TJP1: variants seen among roughly 807,000 people sequenced by gnomAD.
TJP1 encodes the protein tight junction protein ZO-1.
In TJP1, 43 loss-of-function variants were observed where a neutral mutation model predicts 194.2. The observed-to-expected ratio is 0.22, with a 90% CI of 0.17 to 0.29. The LOEUF (loss-of-function observed/expected upper bound fraction) is 0.29, where lower values mean the gene tolerates loss of function less well. Among genes scored for constraint, TJP1 ranks in the 10% least tolerant of loss-of-function variants. TJP1 has a pLI of 1.00. For synonymous variants in TJP1, 801 were observed against 779.0 expected, an observed-to-expected ratio of 1.03 and a Z score of -0.47; for missense variants, 1,971 against 2,185.7, an observed-to-expected ratio of 0.90 and a Z score of 1.96.
intron 26 of TJP1, among the ~76,000 whole-genome samples, chr15:29,705,279 C>T (rs1441894490): frequency 1.3e-5 from 2 of 152,200 alleles, no homozygotes; most frequent in Non-Finnish European, 2.9e-5. Flanking sequence ...GGTGAGACAT[C>T]CCGTGGCCTG....
chr15:29,877,251 T>G (rs992013444), intron 2 of TJP1, among the ~76,000 whole-genome samples: 4 of 152,298 alleles, frequency 2.6e-5, no homozygotes, highest in Non-Finnish European at 5.9e-5. Context: ...AGACATGCTC[T>G]GCCTTCCAGG....
intron 2 of TJP1, among the ~76,000 whole-genome samples, chr15:29,828,822 T>C (rs540454958): frequency 6.6e-6 from 1 of 151,154 alleles, no homozygotes; most frequent in Admixed American, 6.6e-5. Context: ...CAACCTCCAC[T>C]TCACGGGTTC....
intron 2 of TJP1, among the ~76,000 whole-genome samples, chr15:29,850,493 T>C (rs1166562670): frequency 6.6e-6 from 1 of 151,870 alleles, no homozygotes; most frequent in Non-Finnish European, 1.5e-5. Context: ...CACGCCACCA[T>C]GCCCAGCTAA....
intron 2 of TJP1, among the ~76,000 whole-genome samples, chr15:29,944,055 C>T (rs1412622204): frequency 1.3e-5 from 2 of 151,778 alleles, no homozygotes; most frequent in Non-Finnish European, 2.9e-5. Context: ...CGTTAGAAAA[C>T]AGGTACTTGA....
At chr15:29,878,966 T>C (rs1027639190) in intron 2 of TJP1, among the ~76,000 whole-genome samples, 1 of 151,576 alleles carries the variant, frequency 6.6e-6, no homozygotes, top group African/African-American at 2.4e-5. Context: ...CTACTAAAAA[T>C]ACAAAGATTA....
chr15:29,820,130 G>GT lies in TJP1; in HGVS notation c.27+1871dup, dbSNP rs141015231. On this transcript the variant is annotated intron_variant, in intron 1 of 27. Transcript: ENST00000614355. The stretch of plus-strand genomic sequence containing the variant: ...TTTCCCAAACTATCATGCTAAAACA[G>GT]TAACAGCGAGCTTCCAAATTAATGT... Among the ~76,000 whole-genome samples, 1,177 of 148,950 alleles carry GT rather than the reference G, an allele frequency of 7.9e-3. 22 individuals carry two copies. Among genetic ancestry groups the GT allele is most frequent in the African/African-American group, 0.028 (1,141 of 40,718 alleles).
intron 8 of TJP1, among the ~76,000 whole-genome samples, chr15:29,748,355 T>C (rs1204044060): frequency 1.3e-5 from 2 of 152,156 alleles, no homozygotes; most frequent in African/African-American, 4.8e-5. Flanking sequence ...CTGGCTATGG[T>C]GTTGGACTAT....
rs150870385 is a variant in TJP1, at chr15:29,946,362, A to G, written c.306+9870T>C. Among the ~76,000 whole-genome samples, 40 of 152,352 alleles carry G rather than the reference A, an allele frequency of 2.6e-4. No individual in the cohort carries two copies. In the East Asian group the frequency reaches 7.7e-3, roughly 29 times the overall value. On this transcript the variant is annotated intron_variant, in intron 2 of 28. Transcript: ENST00000356107. ...GGCTAGTGGATGAAAGTCTGATGAG[A>G]GACACTGGTGTAATCTTGAAACATC...
chr15:29,928,221 T>C (rs1357386), intron 2 of TJP1, among the ~76,000 whole-genome samples: 38,836 of 151,888 alleles, frequency 0.26, 5,190 homozygotes, highest in East Asian at 0.35. Context: ...AGATAAAAGA[T>C]GAGATTGTTT....
intron 2 of TJP1, among the ~76,000 whole-genome samples, chr15:29,918,715 G>A (rs1267442598): frequency 1.3e-5 from 2 of 151,616 alleles, no homozygotes; most frequent in African/African-American, 4.9e-5. Context: ...CTCCTGCCTG[G>A]GTGACAGAGT....
intron 4 of TJP1, among the ~76,000 whole-genome samples, chr15:29,771,531 C>T (rs1398396901): frequency 6.6e-6 from 1 of 152,116 alleles, no homozygotes; most frequent in Non-Finnish European, 1.5e-5. Context: ...TTTGGCCGGG[C>T]GTGGTGGCTC....
rs771958383 is a variant in TJP1, at chr15:29,718,810, G to A, written c.3332C>T (p.Ser1111Phe). 2 of 1,614,202 alleles carry A rather than the reference G, an allele frequency of 1.2e-6. No homozygotes were observed. The highest frequency in any genetic ancestry group is 2.2e-5 in the East Asian group (1 of 44,874). ...ATGCTGTCTGGAGTCAAGGTCTTGAGAGTGCTGATTATCAAAAGGTGGCCG... is the reference window on the plus strand; with the variant it reads ...ATGCTGTCTGGAGTCAAGGTCTTGAAAGTGCTGATTATCAAAAGGTGGCCG... ...PSRPPFDNQH[S>F]QDLDSRQHPE... The change falls in exon 21 of 28, where the codon TCT becomes TTT. Residue 1111 changes from serine (S) to phenylalanine (F), a missense_variant. Physicochemically the swap from Ser to Phe is radical, Grantham distance 155 (BLOSUM62 -2). Transcript: ENST00000614355.
At chr15:29,773,893 T>C (rs1484470230) in intron 2 of TJP1, among the ~76,000 whole-genome samples, 1 of 152,232 alleles carries the variant, frequency 6.6e-6, no homozygotes, top group Non-Finnish European at 1.5e-5. Flanking sequence ...ACATTAGCCA[T>C]ATTGAACTAA....
chr15:29,773,503 T>C, intron 2 of TJP1, 146 bp from the exon 3 acceptor site: 1 of 736,198 alleles, frequency 1.4e-6, no homozygotes, highest in Non-Finnish European at 2.2e-6. Context: ...TGGTTACCTA[T>C]TAGAATTATC....
At chr15:29,894,973 G>C (rs995953063) in intron 2 of TJP1, among the ~76,000 whole-genome samples, 2 of 152,220 alleles carry the variant, frequency 1.3e-5, no homozygotes, top group African/African-American at 4.8e-5. Flanking sequence ...ATGGTGCCCA[G>C]TTGTGCAGCA....
chr15:29,706,058 T>C (rs913204668), intron 25 of TJP1, among the ~76,000 whole-genome samples: 1 of 152,070 alleles, frequency 6.6e-6, no homozygotes, highest in African/African-American at 2.4e-5. Flanking sequence ...CAGCCTCCCA[T>C]GTAGCTGGGA....
chr15:29,820,998 A>C (rs1361703168), intron 1 of TJP1, among the ~76,000 whole-genome samples: 3 of 152,242 alleles, frequency 2.0e-5, no homozygotes, highest in Non-Finnish European at 4.4e-5. Context: ...ACACACAGAA[A>C]ACCACTACCT....
intron 2 of TJP1, among the ~76,000 whole-genome samples, chr15:29,906,460 T>C (rs1165604886): frequency 8.3e-6 from 1 of 120,814 alleles, no homozygotes; most frequent in Admixed American, 8.3e-5. Context: ...AGAGCGAGAC[T>C]CCGTCTCAAA....
chr15:29,907,553 TTA>T (rs2053858104), intron 2 of TJP1, among the ~76,000 whole-genome samples: 2 of 152,236 alleles, frequency 1.3e-5, no homozygotes, highest in African/African-American at 4.8e-5. Flanking sequence ...GTGTGATTTC[TTA>T]TATTCGCCAA....
Sources: gnomAD v4.1 joint callset for allele counts (sites outside exome capture counted in the v4.1 genomes callset) on GRCh38, gnomAD v4.1.1 for gene constraint, MANE v1.5 for transcripts, NCBI Gene and HGNC (gene_info 2026-07-23, HGNC 2026-07-21) for gene names.